NTM: variants seen among roughly 807,000 people sequenced by gnomAD.
NTM encodes the protein IgLON family member 2.
NTM carries 13 observed loss-of-function variants against 42.1 expected under a neutral mutation model. The observed-to-expected ratio is 0.31, with a 90% CI of 0.20 to 0.49. The LOEUF (loss-of-function observed/expected upper bound fraction) is 0.49, where lower values mean the gene tolerates loss of function less well. Ranked by LOEUF, NTM falls within the 20% of genes least tolerant of loss-of-function variation. NTM has a pLI of 0.99. For synonymous variants in NTM, 187 were observed against 179.2 expected (o/e 1.04, Z -0.35); for missense variants, 373 against 452.8 (o/e 0.82, Z 1.60).
chr11:131,679,321 T>C (rs1440328329), intron 1 of NTM, among the ~76,000 whole-genome samples: 1 of 151,894 alleles, frequency 6.6e-6, no homozygotes, highest in Admixed American at 6.6e-5. Flanking sequence ...TGGAAAGAAG[T>C]AGGGAGGGGG....
At chr11:131,417,610 A>G (rs1358188353) in intron 1 of NTM, among the ~76,000 whole-genome samples, 2 of 152,178 alleles carry the variant, frequency 1.3e-5, no homozygotes, top group African/African-American at 4.8e-5. Context: ...GGATGAAATT[A>G]TTGATTTAGA....
chr11:131,652,407 G>C (rs1187913720), intron 1 of NTM, among the ~76,000 whole-genome samples: 1 of 152,094 alleles, frequency 6.6e-6, no homozygotes, highest in Non-Finnish European at 1.5e-5. Flanking sequence ...AAAGCAAGGT[G>C]GTGCCCCAGG....
At chr11:132,087,816 G>A (rs547340852) in intron 2 of NTM, among the ~76,000 whole-genome samples, 2 of 152,350 alleles carry the variant, frequency 1.3e-5, no homozygotes, top group South Asian at 4.1e-4. Flanking sequence ...TCTCCAACAG[G>A]GAGAGAAACT....
intron 2 of NTM, among the ~76,000 whole-genome samples, chr11:131,991,811 A>T (rs553461454): frequency 1.3e-5 from 2 of 152,344 alleles, no homozygotes; most frequent in Non-Finnish European, 2.9e-5. Context: ...GCAGGCAAGA[A>T]ACAGCAGGTC....
chr11:131,776,582 A>C (rs949308461), intron 1 of NTM, among the ~76,000 whole-genome samples: 68 of 147,302 alleles, frequency 4.6e-4, no homozygotes, highest in African/African-American at 1.7e-3. Context: ...TATTTTAGAC[A>C]TTTTTTTTTT....
chr11:131,672,717 G>A (rs2070554993), intron 1 of NTM, among the ~76,000 whole-genome samples: 1 of 152,172 alleles, frequency 6.6e-6, no homozygotes, highest in Non-Finnish European at 1.5e-5. Context: ...CTGGTACATA[G>A]TAGGGCCTCT....
intron 2 of NTM, among the ~76,000 whole-genome samples, chr11:131,946,843 T>C (rs1288827462): frequency 6.6e-6 from 1 of 152,354 alleles, no homozygotes; most frequent in African/African-American, 2.4e-5. Context: ...TCCTTATAAA[T>C]TTATGTGCAT....
chr11:131,829,641 A>G (rs193022810), intron 1 of NTM, among the ~76,000 whole-genome samples: 1 of 152,276 alleles, frequency 6.6e-6, no homozygotes, highest in Non-Finnish European at 1.5e-5. Context: ...GTGCTGCAAG[A>G]AATATATGTG....
chr11:131,808,047 T>C (rs1203324656), intron 1 of NTM, among the ~76,000 whole-genome samples: 5 of 152,224 alleles, frequency 3.3e-5, no homozygotes, highest in Non-Finnish European at 2.9e-5. Flanking sequence ...GGTTCAGCGG[T>C]AATGATTCAC....
At chr11:132,232,233 A>G (rs1370243689) in intron 4 of NTM, among the ~76,000 whole-genome samples, 1 of 152,234 alleles carries the variant, frequency 6.6e-6, no homozygotes, top group African/African-American at 2.4e-5. Flanking sequence ...GTGCTTGCCA[A>G]GCGCTCAGAG....
intron 1 of NTM, among the ~76,000 whole-genome samples, chr11:131,453,748 T>C (rs1950658585): frequency 6.6e-6 from 1 of 152,210 alleles, no homozygotes; most frequent in Non-Finnish European, 1.5e-5. Context: ...CAGGAGCCAT[T>C]TGCCATCTCT....
chr11:131,743,150 G>A (rs955612898), intron 1 of NTM, among the ~76,000 whole-genome samples: 2 of 151,886 alleles, frequency 1.3e-5, no homozygotes, highest in Admixed American at 1.3e-4. Context: ...ATATTTAACA[G>A]ACCTGAACAC....
intron 2 of NTM, among the ~76,000 whole-genome samples, chr11:132,067,821 G>C (rs1210816661): frequency 6.6e-6 from 1 of 152,184 alleles, no homozygotes; most frequent in East Asian, 1.9e-4. Context: ...GGTAGCACAT[G>C]TTTGCAACTT....
chr11:131,414,030 G>T (rs1463248502), intron 1 of NTM, among the ~76,000 whole-genome samples: 4 of 152,172 alleles, frequency 2.6e-5, no homozygotes, highest in Non-Finnish European at 5.9e-5. Flanking sequence ...GGGCAAGCCT[G>T]CAACTGAACC....
At chr11:131,853,314 G>A (rs2045776960) in intron 1 of NTM, among the ~76,000 whole-genome samples, 1 of 152,144 alleles carries the variant, frequency 6.6e-6, no homozygotes, top group Admixed American at 6.6e-5. Flanking sequence ...TGCCATGGTG[G>A]TTTGCTGTGC....
Position 132,258,737 on chromosome 11 carries a change from G to A in NTM, c.526+46590G>A, listed in dbSNP as rs76920957. Among the ~76,000 whole-genome samples the A allele has an allele frequency of 4.5e-3, 682 of 152,236 alleles. 4 individuals carry two copies. The highest frequency in any genetic ancestry group is 0.015 in the African/African-American group (644 of 41,552). ...GCCTTTTGTGTGGCCCACTATTTCC[G>A]TTCAACACAAGTAAGCAGGGACACC... On this transcript the variant is annotated intron_variant, in intron 4 of 8. Coordinates refer to ENST00000683400, the MANE Select transcript of NTM (RefSeq NM_001352005.2).
chr11:131,417,622 G>A (rs768770859), intron 1 of NTM, among the ~76,000 whole-genome samples: 1 of 152,094 alleles, frequency 6.6e-6, no homozygotes, highest in African/African-American at 2.4e-5. Context: ...TGATTTAGAC[G>A]GAAAATGACA....
chr11:131,842,146 G>A (rs1298976164), intron 1 of NTM, among the ~76,000 whole-genome samples: 1 of 152,178 alleles, frequency 6.6e-6, no homozygotes. Context: ...TCTAAAGGCT[G>A]GAGTGAGCCA....
chr11:131,776,884 C>T (rs772705183), intron 1 of NTM, among the ~76,000 whole-genome samples: 13 of 152,086 alleles, frequency 8.5e-5, no homozygotes, highest in South Asian at 4.1e-4. Context: ...TGTGTACCAG[C>T]CTTGAAGGTG....
Sources: allele counts gnomAD v4.1 joint callset (sites outside exome capture counted in the v4.1 genomes callset), GRCh38; gene constraint gnomAD v4.1.1; transcripts MANE v1.5; gene names NCBI Gene and HGNC (gene_info 2026-07-23, HGNC 2026-07-21).